UBE2E1: variants seen among roughly 807,000 people sequenced by gnomAD.
UBE2E1 encodes ubiquitin conjugating enzyme E2 E1.
Under a neutral mutation model 21.4 loss-of-function variants are expected in UBE2E1, and 6 were observed. That is an observed-to-expected ratio of 0.28 (90% CI 0.15 to 0.55). The LOEUF is 0.55. Ranked by LOEUF, UBE2E1 falls within the 20% of genes least tolerant of loss-of-function variation. The probability of loss-of-function intolerance (pLI) is 0.93; values close to 1 mark genes in which losing one functional copy is unlikely to be tolerated. For synonymous variants in UBE2E1, 87 were observed against 82.7 expected (o/e 1.05, Z -0.28); for missense variants, 142 against 236.5 (o/e 0.60, Z 2.62).
intron 3 of UBE2E1, among the ~76,000 whole-genome samples, chr3:23,862,179 T>G (rs1700573739): frequency 6.6e-6 from 1 of 152,080 alleles, no homozygotes; most frequent in Non-Finnish European, 1.5e-5. Context: ...AGGGAACCTT[T>G]CCCATTTCAC....
intron 3 of UBE2E1, among the ~76,000 whole-genome samples, chr3:23,857,349 T>C (rs1467923773): frequency 1.3e-5 from 2 of 152,132 alleles, no homozygotes; most frequent in Non-Finnish European, 2.9e-5. Flanking sequence ...CACATGTTTA[T>C]CTTAGAAAGA....
At chr3:23,833,947 G>A (rs865952890) in intron 3 of UBE2E1, among the ~76,000 whole-genome samples, 4 of 151,894 alleles carry the variant, frequency 2.6e-5, no homozygotes, top group South Asian at 2.1e-4. Context: ...GCAGTCAGCC[G>A]TGTTTGTACC....
At position 23,823,065 on chromosome 3, in the gene UBE2E1, G is replaced by A. The variant is rs990564883; in HGVS notation, c.203+11555G>A. Among the ~76,000 whole-genome samples the A allele has an allele frequency of 2.6e-5, 4 of 152,094 alleles. No homozygotes were observed. Among genetic ancestry groups the A allele is most frequent in the Middle Eastern group, 6.8e-3 (2 of 294 alleles). On this transcript the variant is annotated intron_variant, in intron 3 of 5. Coordinates refer to ENST00000306627, the MANE Select transcript of UBE2E1 (RefSeq NM_003341.5). The surrounding 1 kb of genome is among the most constrained non-coding windows in gnomAD (Gnocchi z 4.2). Reference sequence around the variant, plus strand: ...TTTCACCATGTTGGCCAGGCTAGTCGAAAACTCCTGACCTTGTGATCCACC... The same window carrying A: ...TTTCACCATGTTGGCCAGGCTAGTCAAAAACTCCTGACCTTGTGATCCACC...
chr3:23,835,817 A>T (rs944272942), intron 3 of UBE2E1, among the ~76,000 whole-genome samples: 1 of 152,204 alleles, frequency 6.6e-6, no homozygotes, highest in African/African-American at 2.4e-5. Context: ...GTGAATTGAG[A>T]CTGCATTAAA....
chr3:23,822,114 G>A (rs939776991), intron 3 of UBE2E1, among the ~76,000 whole-genome samples: 1 of 152,194 alleles, frequency 6.6e-6, no homozygotes, highest in African/African-American at 2.4e-5. Flanking sequence ...AGAAAGCAGT[G>A]AGTGGAAAGT....
rs1253308744 is a variant in UBE2E1 at position 23,807,278 on chromosome 3, T to C, written c.9T>C (p.Asp3=). The C allele has an allele frequency of 6.2e-7, 1 of 1,612,616 alleles. No individual in the cohort carries two copies. Among genetic ancestry groups the C allele is most frequent in the South Asian group, 1.1e-5 (1 of 91,018 alleles). The change falls in exon 2 of 6, where the codon GAT becomes GAC. Residue 3 remains aspartate, a synonymous_variant. Transcript: ENST00000306627. ...GGGGTGGGGGGTTCGCTATGTCGGA[T>C]GACGATTCGAGGGCCAGCACCAGCT... MS[D]DDSRASTSSS...
rs556565177 is a variant in UBE2E1, at chr3:23,871,738, C to A, written c.204-15829C>A. Reference sequence around the variant, plus strand: ...GGTGCTCCTCACATCCCAGACGGGGCGGCGGGGCAAAGGCGCTCCCCACAT... The same window carrying A: ...GGTGCTCCTCACATCCCAGACGGGGAGGCGGGGCAAAGGCGCTCCCCACAT... On this transcript the variant is annotated intron_variant, in intron 3 of 5. Transcript: ENST00000306627. Among the ~76,000 whole-genome samples, 4 of 148,068 alleles carry A rather than the reference C, an allele frequency of 2.7e-5. No homozygotes were observed. The East Asian group carries it at 8.3e-4, about 31-fold the overall frequency.
In UBE2E1 at chr3:23,806,558, G is replaced by C. The variant is rs1287490483; in HGVS notation, c.-34+470G>C. On this transcript the variant is annotated intron_variant, in intron 1 of 5. Transcript: ENST00000306627. This position sits in a 1 kb window ranked among gnomAD's most constrained non-coding sequence, Gnocchi z 6.5. ...CTATCCCCCTACAGGAGTGGCGATC[G>C]GGCGTGTGCTCCGGACCCCCGCCCG... 1.3e-5 allele frequency among the ~76,000 whole-genome samples: 2 copies of C among 150,288 alleles called. No individual in the cohort carries two copies. The highest frequency in any genetic ancestry group is 4.9e-5 in the African/African-American group (2 of 40,820).
intron 3 of UBE2E1, among the ~76,000 whole-genome samples, chr3:23,872,327 A>T (rs977543938): frequency 6.6e-6 from 1 of 150,690 alleles, no homozygotes; most frequent in Non-Finnish European, 1.5e-5. Flanking sequence ...GCAGCAGTAC[A>T]GTCCAGCTTC....
intron 3 of UBE2E1, among the ~76,000 whole-genome samples, chr3:23,881,654 G>A (rs1289594273): frequency 6.6e-6 from 1 of 152,220 alleles, no homozygotes; most frequent in Non-Finnish European, 1.5e-5. Flanking sequence ...GGTGAAGACA[G>A]GGTAGACTTA....
chr3:23,889,534 TTTTCCTGTTGCTTAA>T, intron 5 of UBE2E1: 3 of 1,388,204 alleles, frequency 2.2e-6, no homozygotes, highest in Non-Finnish European at 2.8e-6. Flanking sequence ...CCTCCTTTTT[TTTTCCTGTTGCTTAA>T]TTTCCCATAG....
At chr3:23,827,120 A>C (rs1699774677) in intron 3 of UBE2E1, among the ~76,000 whole-genome samples, 1 of 152,186 alleles carries the variant, frequency 6.6e-6, no homozygotes, top group Admixed American at 6.5e-5. Context: ...AAAGGGACAA[A>C]ATTTCAATGC....
At chr3:23,809,003 G>T (rs1030593306) in intron 2 of UBE2E1, among the ~76,000 whole-genome samples, 1 of 152,186 alleles carries the variant, frequency 6.6e-6, no homozygotes, top group African/African-American at 2.4e-5. Flanking sequence ...TGTTGTGAGT[G>T]AATTACAGAG....
At chr3:23,861,030 T>A (rs1700544104) in intron 3 of UBE2E1, among the ~76,000 whole-genome samples, 1 of 152,236 alleles carries the variant, frequency 6.6e-6, no homozygotes, top group African/African-American at 2.4e-5. Context: ...ATGCTTGGGA[T>A]GTCTATTTAA....
At chr3:23,824,849 A>C (rs144989223) in intron 3 of UBE2E1, among the ~76,000 whole-genome samples, 1 of 152,232 alleles carries the variant, frequency 6.6e-6, no homozygotes, top group Non-Finnish European at 1.5e-5. Flanking sequence ...AGTTCGGTGA[A>C]GTTTTCTCAG....
At chr3:23,807,061 C>A (rs955051652) in intron 1 of UBE2E1, 176 bp from the exon 2 acceptor site, 6 of 493,944 alleles carry the variant, frequency 1.2e-5, no homozygotes, top group Non-Finnish European at 1.4e-5. Context: ...CAAAAATAAA[C>A]AAGCCGCGTC....
Position 23,864,135 on chromosome 3 carries a change from TTGTC to T in UBE2E1, c.204-23429_204-23426del, listed in dbSNP as rs946122214. ...TCTTCCCTAGCACTTGATTGATAGT[TTGTC>T]TGGTGTGGAATTTGTATTGGAAATC... On this transcript the variant is annotated intron_variant, in intron 3 of 5. Coordinates refer to ENST00000306627, the MANE Select transcript of UBE2E1 (RefSeq NM_003341.5). 2.6e-5 allele frequency among the ~76,000 whole-genome samples: 4 copies of T among 152,224 alleles called. 1 individual carries two copies. Among genetic ancestry groups the T allele is most frequent in the African/African-American group, 9.7e-5 (4 of 41,440 alleles).
chr3:23,846,541 C>T (rs1248577765), intron 3 of UBE2E1, among the ~76,000 whole-genome samples: 2 of 151,926 alleles, frequency 1.3e-5, no homozygotes, highest in Non-Finnish European at 2.9e-5. Context: ...ACTAAAAATA[C>T]AAAATTTATC....
intron 3 of UBE2E1, among the ~76,000 whole-genome samples, chr3:23,844,281 A>G (rs1406403255): frequency 2.0e-5 from 3 of 152,056 alleles, no homozygotes; most frequent in African/African-American, 7.2e-5. Context: ...GCCTTTCACT[A>G]TATTGTTTGT....
Sources: gnomAD v4.1 joint callset for allele counts (sites outside exome capture counted in the v4.1 genomes callset) on GRCh38, gnomAD v4.1.1 for gene constraint, Gnocchi (gnomAD v3.1) non-coding constraint, MANE v1.5 for transcripts, NCBI Gene and HGNC (gene_info 2026-07-23, HGNC 2026-07-21) for gene names.